CCNY: variants seen among roughly 807,000 people sequenced by gnomAD.
CCNY encodes cyclin Y, also known as cyclin-Y.
A neutral mutation model predicts 42.8 loss-of-function variants in CCNY; 19 were observed. That is an observed-to-expected ratio of 0.44 (90% CI 0.31 to 0.65). The LOEUF (loss-of-function observed/expected upper bound fraction) is 0.65, where lower values mean the gene tolerates loss of function less well. Ranked by LOEUF, CCNY falls within the 30% of genes least tolerant of loss-of-function variation. CCNY has a pLI of 0.07. For synonymous variants in CCNY, 165 were observed against 162.7 expected (o/e 1.01, Z -0.11); for missense variants, 370 against 437.3 (o/e 0.85, Z 1.37).
intron 1 of CCNY, among the ~76,000 whole-genome samples, chr10:35,392,686 G>C (rs1208217481): frequency 6.6e-6 from 1 of 152,190 alleles, no homozygotes; most frequent in Non-Finnish European, 1.5e-5. Flanking sequence ...GCTGGGCCTT[G>C]AATGCCAGGC....
At chr10:35,302,263 A>G (rs1046649046) in intron 3 of CCNY, among the ~76,000 whole-genome samples, 21 of 149,896 alleles carry the variant, frequency 1.4e-4, no homozygotes, top group South Asian at 1.3e-3. Flanking sequence ...GCCCATCCTC[A>G]TTGCTATTTT....
chr10:35,476,009 CTT>C (rs1323831943), intron 1 of CCNY, among the ~76,000 whole-genome samples: 3 of 152,188 alleles, frequency 2.0e-5, no homozygotes, highest in Non-Finnish European at 4.4e-5. Flanking sequence ...ATAAAACAGA[CTT>C]TAAACCAACA....
At chr10:35,262,496 C>A (rs1364978157) in intron 3 of CCNY, among the ~76,000 whole-genome samples, 2 of 151,698 alleles carry the variant, frequency 1.3e-5, no homozygotes, top group East Asian at 3.9e-4. Flanking sequence ...GTAGCTGGGA[C>A]TACAGGTGCA....
intron 1 of CCNY, among the ~76,000 whole-genome samples, chr10:35,387,274 C>T (rs1176584527): frequency 6.6e-6 from 1 of 152,190 alleles, no homozygotes; most frequent in Non-Finnish European, 1.5e-5. Context: ...CCTCAGGATG[C>T]TGAGTTCCTT....
At chr10:35,491,229 G>C (rs1839888346) in intron 2 of CCNY, among the ~76,000 whole-genome samples, 1 of 152,124 alleles carries the variant, frequency 6.6e-6, no homozygotes. Flanking sequence ...TTCCATTAGT[G>C]GGATTTATAG....
chr10:35,329,400 T>G (rs1471057922), intron 3 of CCNY, among the ~76,000 whole-genome samples: 1 of 151,648 alleles, frequency 6.6e-6, no homozygotes, highest in East Asian at 1.9e-4. Flanking sequence ...AAATAAAAAA[T>G]AAAAAAAAAT....
chr10:35,443,565 G>T (rs76529305), intron 1 of CCNY, among the ~76,000 whole-genome samples: 4,223 of 152,242 alleles, frequency 0.028, 69 homozygotes, highest in South Asian at 0.044. Context: ...ATGAAGTAGA[G>T]GTTCCTCTTC....
intron 1 of CCNY, among the ~76,000 whole-genome samples, chr10:35,351,278 C>T (rs112816543): frequency 0.01 from 1,590 of 152,294 alleles, 24 homozygotes; most frequent in African/African-American, 0.036. Context: ...TCTGTTTATA[C>T]GACACATCTG....
intron 3 of CCNY, among the ~76,000 whole-genome samples, chr10:35,506,939 A>G (rs1840227221): frequency 1.3e-5 from 2 of 152,174 alleles, no homozygotes; most frequent in African/African-American, 4.8e-5. Context: ...AGCTGTTCTC[A>G]TTTTAGTCAG....
intron 3 of CCNY, among the ~76,000 whole-genome samples, chr10:35,286,129 T>G (rs1399464844): frequency 6.6e-6 from 1 of 151,984 alleles, no homozygotes; most frequent in Admixed American, 6.6e-5. Context: ...AGGTTTAACA[T>G]TTTATTACTT....
At chr10:35,492,473 T>C (rs1839919291) in intron 2 of CCNY, among the ~76,000 whole-genome samples, 1 of 152,222 alleles carries the variant, frequency 6.6e-6, no homozygotes, top group African/African-American at 2.4e-5. Context: ...TTTTTTTCTT[T>C]CTTAGTGACA....
chr10:35,398,823 A>G (rs1231898934), intron 1 of CCNY, among the ~76,000 whole-genome samples: 1 of 152,240 alleles, frequency 6.6e-6, no homozygotes, highest in African/African-American at 2.4e-5. Flanking sequence ...TATTTAGTTT[A>G]ACCAGACCAC....
intron 2 of CCNY, among the ~76,000 whole-genome samples, chr10:35,499,657 A>C (rs1234215264): frequency 6.6e-6 from 1 of 152,164 alleles, no homozygotes; most frequent in African/African-American, 2.4e-5. Context: ...GGGCTGATGT[A>C]GGGTGTTGAG....
chr10:35,534,694 T>C (rs1840843967), intron 7 of CCNY, among the ~76,000 whole-genome samples: 1 of 152,080 alleles, frequency 6.6e-6, no homozygotes. Flanking sequence ...AATTTCAGAA[T>C]ATTCCCTTCA....
chr10:35,482,623 T>C (rs1265446193), intron 1 of CCNY, among the ~76,000 whole-genome samples: 2 of 152,132 alleles, frequency 1.3e-5, no homozygotes, highest in Non-Finnish European at 1.5e-5. Flanking sequence ...GCTGGAGTCT[T>C]ATGTCCCATA....
intron 1 of CCNY, among the ~76,000 whole-genome samples, chr10:35,400,576 C>G (rs956288767): frequency 6.6e-6 from 1 of 152,210 alleles, no homozygotes; most frequent in Non-Finnish European, 1.5e-5. Flanking sequence ...AACCTCTTCT[C>G]TAACCTCCCA....
At chr10:35,558,585 G>A (rs1841406061) in intron 8 of CCNY, among the ~76,000 whole-genome samples, 1 of 152,182 alleles carries the variant, frequency 6.6e-6, no homozygotes, top group South Asian at 2.1e-4. Flanking sequence ...ACCATATTTG[G>A]AGATATATTT....
intron 1 of CCNY, among the ~76,000 whole-genome samples, chr10:35,441,369 A>T (rs1320184364): frequency 6.6e-6 from 1 of 152,244 alleles, no homozygotes; most frequent in Admixed American, 6.5e-5. Context: ...AGAGAGTGGT[A>T]CAGAGTTTCC....
chr10:35,337,028 C>T lies in CCNY; in HGVS notation c.-26C>T. ...CCCGGGGACTGGGAGAACAGGATAGCAGCAGGAGTCGGGGGGCCGCCGAAG... is the reference window on the plus strand; with the variant it reads ...CCCGGGGACTGGGAGAACAGGATAGTAGCAGGAGTCGGGGGGCCGCCGAAG... On this transcript the variant is annotated 5_prime_UTR_variant, in exon 1 of 10. Coordinates refer to ENST00000374704, the MANE Select transcript of CCNY (RefSeq NM_145012.6). 3 of 1,533,570 alleles carry T rather than the reference C, an allele frequency of 2.0e-6. No individual in the cohort carries two copies. Among genetic ancestry groups the T allele is most frequent in the South Asian group, 1.2e-5 (1 of 82,288 alleles). 95.0% of individuals were successfully genotyped at this position (1,533,570 alleles called of 1,614,324 possible).
Sources: allele counts gnomAD v4.1 joint callset (sites outside exome capture counted in the v4.1 genomes callset), GRCh38; gene constraint gnomAD v4.1.1; transcripts MANE v1.5; gene names NCBI Gene and HGNC (gene_info 2026-07-23, HGNC 2026-07-21).